Variants in CADM2 observed in about 807,000 individuals in gnomAD.
CADM2 encodes cell adhesion molecule 2.
CADM2 carries 12 observed loss-of-function variants against 49.8 expected under a neutral mutation model. The ratio of observed to expected loss-of-function variants is 0.24; its 90% CI spans 0.15 to 0.39. The LOEUF is 0.39. Among genes scored for constraint, CADM2 ranks in the 10% least tolerant of loss-of-function variants. The probability of loss-of-function intolerance (pLI) is 1.00; values close to 1 mark genes in which losing one functional copy is unlikely to be tolerated. For missense variants in CADM2, 378 were observed against 492.3 expected (o/e 0.77, Z 2.20); for synonymous variants, 214 against 175.4 (o/e 1.22, Z -1.74).
chr3:85,798,890 T>G (rs2071804105), intron 2 of CADM2, among the ~76,000 whole-genome samples: 1 of 152,238 alleles, frequency 6.6e-6, no homozygotes, highest in Non-Finnish European at 1.5e-5. Flanking sequence ...ATATTGATTC[T>G]TCCTATCCAT....
chr3:85,772,004 C>CT (rs2070116950), intron 2 of CADM2, among the ~76,000 whole-genome samples: 6 of 113,932 alleles, frequency 5.3e-5, no homozygotes, highest in African/African-American at 2.2e-4. Flanking sequence ...TTTTTTCTTT[C>CT]TTTCTTTTTT....
At chr3:85,402,041 A>C (rs1441619484) in intron 1 of CADM2, among the ~76,000 whole-genome samples, 1 of 152,182 alleles carries the variant, frequency 6.6e-6, no homozygotes, top group Non-Finnish European at 1.5e-5. Context: ...ATTTACTATA[A>C]TTCATAGAAA....
chr3:85,515,617 A>G (rs62250756), intron 1 of CADM2, among the ~76,000 whole-genome samples: 1,411 of 75,854 alleles, frequency 0.019, 14 homozygotes, highest in Non-Finnish European at 0.029. Context: ...ACTAATATAT[A>G]TATATATATA....
At chr3:85,596,705 G>A (rs2063251195) in intron 1 of CADM2, among the ~76,000 whole-genome samples, 1 of 152,020 alleles carries the variant, frequency 6.6e-6, no homozygotes, top group African/African-American at 2.4e-5. Flanking sequence ...CTATTGGACA[G>A]TGCTGATCTA....
intron 1 of CADM2, among the ~76,000 whole-genome samples, chr3:85,605,577 G>A (rs1408501634): frequency 1.3e-5 from 2 of 152,040 alleles, no homozygotes; most frequent in Non-Finnish European, 2.9e-5. Context: ...ACTGTTCAGT[G>A]TTTTCTATGT....
rs571073682 is a variant in CADM2 at position 85,130,693 on chromosome 3, T to C, written c.61+171025T>C. ...AGGGTGTTTTAAATTAATTATAGGC[T>C]CTTAAAATCCATTGATTTTGTAAGT... On this transcript the variant is annotated intron_variant, in intron 1 of 9. Coordinates refer to ENST00000383699, the MANE Select transcript of CADM2 (RefSeq NM_001167675.2). 7.9e-5 allele frequency among the ~76,000 whole-genome samples: 12 copies of C among 152,330 alleles called. No individual in the cohort carries two copies. The South Asian group carries it at 2.1e-3, about 26-fold the overall frequency.
At chr3:85,643,594 T>C (rs1036334199) in intron 1 of CADM2, among the ~76,000 whole-genome samples, 3 of 152,106 alleles carry the variant, frequency 2.0e-5, no homozygotes, top group African/African-American at 7.2e-5. Flanking sequence ...GAGTTGACTA[T>C]ACTTTAGATA....
intron 8 of CADM2, among the ~76,000 whole-genome samples, chr3:86,010,150 C>T (rs1731321773): frequency 6.6e-6 from 1 of 151,856 alleles, no homozygotes; most frequent in South Asian, 2.1e-4. Flanking sequence ...TTTGAAACCA[C>T]ATATGTAATA....
intron 3 of CADM2, among the ~76,000 whole-genome samples, chr3:85,867,628 T>C (rs932547429): frequency 2.7e-5 from 4 of 149,122 alleles, no homozygotes; most frequent in African/African-American, 9.9e-5. Flanking sequence ...AATATGTAAA[T>C]CAAGCATAGT....
At chr3:85,190,790 C>G (rs149108281) in intron 1 of CADM2, among the ~76,000 whole-genome samples, 1 of 152,026 alleles carries the variant, frequency 6.6e-6, no homozygotes, top group Admixed American at 6.6e-5. Flanking sequence ...ACTTTCTTAC[C>G]GAGTTCATAA....
intron 1 of CADM2, among the ~76,000 whole-genome samples, chr3:85,197,683 C>A (rs1053098476): frequency 1.3e-5 from 2 of 151,918 alleles, no homozygotes; most frequent in African/African-American, 2.4e-5. Context: ...ATTTAATATA[C>A]CCAATGTAAA....
intron 1 of CADM2, among the ~76,000 whole-genome samples, chr3:85,558,749 A>C (rs1056448580): frequency 2.0e-5 from 3 of 152,082 alleles, no homozygotes; most frequent in African/African-American, 4.8e-5. Flanking sequence ...AGTATGTATG[A>C]AGTCCCATGC....
chr3:85,183,497 C>T (rs1234228290), intron 1 of CADM2, among the ~76,000 whole-genome samples: 1 of 152,056 alleles, frequency 6.6e-6, no homozygotes, highest in Non-Finnish European at 1.5e-5. Flanking sequence ...TGAGAGGAGC[C>T]AGTTGCACAG....
chr3:85,605,527 A>C (rs1222327246), intron 1 of CADM2, among the ~76,000 whole-genome samples: 1 of 152,092 alleles, frequency 6.6e-6, no homozygotes, highest in Non-Finnish European at 1.5e-5. Context: ...TAAACTATAC[A>C]GAGTGAGCTG....
At chr3:85,828,760 T>C (rs1312428187) in intron 3 of CADM2, among the ~76,000 whole-genome samples, 2 of 151,994 alleles carry the variant, frequency 1.3e-5, no homozygotes, top group Non-Finnish European at 2.9e-5. Context: ...CTACAAACCA[T>C]ATTGTTTTCT....
At chr3:85,474,459 A>G (rs2107615091) in intron 1 of CADM2, among the ~76,000 whole-genome samples, 1 of 152,012 alleles carries the variant, frequency 6.6e-6, no homozygotes, top group East Asian at 1.9e-4. Flanking sequence ...ACCTATTGAG[A>G]TGTTAATTTC....
chr3:85,938,548 C>T (rs1721454576), intron 7 of CADM2, among the ~76,000 whole-genome samples: 1 of 151,832 alleles, frequency 6.6e-6, no homozygotes, highest in African/African-American at 2.4e-5. Context: ...TTTAAGATAG[C>T]CATACAAGAG....
chr3:85,733,501 T>G (rs148916628), intron 2 of CADM2, among the ~76,000 whole-genome samples: 18 of 152,326 alleles, frequency 1.2e-4, no homozygotes, highest in African/African-American at 4.3e-4. Context: ...CAAACTAGTC[T>G]GGGTCACAAT....
intron 8 of CADM2, among the ~76,000 whole-genome samples, chr3:86,030,952 G>A (rs144733195): frequency 4.0e-5 from 6 of 151,804 alleles, no homozygotes; most frequent in African/African-American, 1.4e-4. Context: ...AGTCTGTTTA[G>A]GAATTCTGAT....
Sources: allele counts gnomAD v4.1 joint callset (sites outside exome capture counted in the v4.1 genomes callset), GRCh38; gene constraint gnomAD v4.1.1; transcripts MANE v1.5; gene names NCBI Gene and HGNC (gene_info 2026-07-23, HGNC 2026-07-21).